WDFY3: variants seen among roughly 807,000 people sequenced by gnomAD.
The protein encoded by WDFY3 is WD repeat and FYVE domain containing 3.
WDFY3 carries 66 observed loss-of-function variants against 409.6 expected under a neutral mutation model. The observed-to-expected ratio is 0.16, with a 90% CI of 0.13 to 0.20. The LOEUF (loss-of-function observed/expected upper bound fraction) is 0.20. WDFY3 is among the 10% of genes least tolerant of loss of function. The pLI is 1.00. For missense variants in WDFY3, 3,031 were observed against 4,298.1 expected (o/e 0.71, Z 8.24); for synonymous variants, 1,521 against 1,537.1 (o/e 0.99, Z 0.25).
At chr4:84,830,832 C>A (rs1018616740) in intron 8 of WDFY3, among the ~76,000 whole-genome samples, 1 of 152,098 alleles carries the variant, frequency 6.6e-6, no homozygotes, top group African/African-American at 2.4e-5. Flanking sequence ...GGCTGTGACA[C>A]AGAACTTTCA....
rs564695889 is a variant in WDFY3 at position 84,947,283 on chromosome 4, C to T, written c.-225-14920G>A. Among the ~76,000 whole-genome samples the T allele has an allele frequency of 2.1e-4, 32 of 149,440 alleles. No homozygotes were observed. The East Asian group carries it at 6.2e-3, about 29-fold the overall frequency. On this transcript the variant is annotated intron_variant, in intron 1 of 67. Coordinates refer to ENST00000295888, the MANE Select transcript of WDFY3 (RefSeq NM_014991.6). ...ATCCTAGCACTTTGGGAAGCCGAGG[C>T]GGGCGGATCACGAGGTCAGGAGATG...
intron 61 of WDFY3, 37 bp from the exon 62 acceptor site, chr4:84,688,302 C>T: frequency 6.3e-7 from 1 of 1,595,036 alleles, no homozygotes; most frequent in South Asian, 1.1e-5. Context: ...TCAGGTTGAT[C>T]TCAGTGACAG....
intron 56 of WDFY3, among the ~76,000 whole-genome samples, chr4:84,698,515 C>A (rs1348299242): frequency 6.6e-6 from 1 of 152,038 alleles, no homozygotes; most frequent in Non-Finnish European, 1.5e-5. Flanking sequence ...TCAAGTGATG[C>A]TCCTACCTTG....
At chr4:84,863,073 T>C (rs1024717266) in intron 3 of WDFY3, among the ~76,000 whole-genome samples, 1 of 152,228 alleles carries the variant, frequency 6.6e-6, no homozygotes, top group Non-Finnish European at 1.5e-5. Context: ...TTCCACTCTG[T>C]GTGCTGCACA....
At chr4:84,874,195 C>T (rs1438958838) in intron 3 of WDFY3, among the ~76,000 whole-genome samples, 2 of 151,730 alleles carry the variant, frequency 1.3e-5, no homozygotes, top group Non-Finnish European at 2.9e-5. Flanking sequence ...GGGCGATCAC[C>T]TGAGGTCAGG....
intron 32 of WDFY3, among the ~76,000 whole-genome samples, chr4:84,762,011 G>A (rs1324761040): frequency 2.6e-5 from 4 of 152,202 alleles, no homozygotes; most frequent in Admixed American, 2.6e-4. Context: ...TTACACTGTT[G>A]GTGGGACTGT....
intron 67 of WDFY3, among the ~76,000 whole-genome samples, chr4:84,674,336 G>C (rs1272580843): frequency 6.6e-6 from 1 of 151,752 alleles, no homozygotes; most frequent in Admixed American, 6.6e-5. Context: ...TTAGGAGGCT[G>C]AGGCGGGGGT....
chr4:84,955,949 A>C (rs147386452), intron 1 of WDFY3, among the ~76,000 whole-genome samples: 11 of 152,292 alleles, frequency 7.2e-5, no homozygotes, highest in African/African-American at 2.4e-4. Flanking sequence ...ATAAAACTAC[A>C]AGTTAATGTG....
chr4:84,672,262 G>C lies in WDFY3; in HGVS notation c.*606C>G, dbSNP rs929095371. 5 of 151,890 alleles carry C rather than the reference G, an allele frequency of 3.3e-5. No homozygotes were observed. Among genetic ancestry groups the C allele is most frequent in the Non-Finnish European group, 7.4e-5 (5 of 67,962 alleles). 9.4% of individuals were successfully genotyped at this position (151,890 alleles called of 1,614,324 possible). A position where few individuals can be genotyped will look rare whatever the true frequency, so the allele number is the denominator to read the frequency against. The stretch of plus-strand genomic sequence containing the variant: ...GACATCAGGCACACAGGCTGAGCTT[G>C]AAAGGAAAAAAAGACCACAGATAAT... On this transcript the variant is annotated 3_prime_UTR_variant, in exon 68 of 68. Transcript: ENST00000295888.
intron 50 of WDFY3, 94 bp downstream of exon 50, chr4:84,715,204 G>T: frequency 1.5e-6 from 1 of 678,242 alleles, no homozygotes. Flanking sequence ...TTGGCTCATT[G>T]ATCTAGATTT....
intron 30 of WDFY3, among the ~76,000 whole-genome samples, chr4:84,771,770 T>G (rs956198442): frequency 6.6e-6 from 1 of 152,226 alleles, no homozygotes; most frequent in African/African-American, 2.4e-5. Context: ...TCAATAAGTG[T>G]TATTCATTGA....
intron 22 of WDFY3, among the ~76,000 whole-genome samples, chr4:84,788,357 T>C (rs184195638): frequency 3.3e-4 from 51 of 152,254 alleles, no homozygotes; most frequent in Non-Finnish European, 4.9e-4. Flanking sequence ...AAGACCAACA[T>C]AAGAGCTAGA....
rs780828712 is a variant in WDFY3 at position 84,683,986 on chromosome 4, G to A, written c.9683C>T (p.Thr3228Met). The A allele has an allele frequency of 3.1e-6, 5 of 1,612,606 alleles. No individual in the cohort carries two copies. The highest frequency in any genetic ancestry group is 2.2e-5 in the East Asian group (1 of 44,828). The change falls in exon 63 of 68, where the codon ACG becomes ATG. Residue 3228 changes from threonine (T) to methionine (M), a missense_variant. Transcript: ENST00000295888. ...GTGTCCTGTCACTATGACGTTCTGCGTGTCCCATTCGTTCATCTCCGACAT... is the reference window on the plus strand; with the variant it reads ...GTGTCCTGTCACTATGACGTTCTGCATGTCCCATTCGTTCATCTCCGACAT... ...CCMSEMNEWD[T>M]QNVIVTGHSD...
chr4:84,708,795 C>T, intron 53 of WDFY3, 114 bp downstream of exon 53: 1 of 1,174,760 alleles, frequency 8.5e-7, no homozygotes, highest in Non-Finnish European at 1.2e-6. Flanking sequence ...CCTCTCTTAG[C>T]CTCCCAAAGT....
At chr4:84,803,545 A>T in intron 15 of WDFY3, 78 bp from the exon 16 acceptor site, 5 of 1,457,742 alleles carry the variant, frequency 3.4e-6, no homozygotes, top group Non-Finnish European at 4.6e-6. Context: ...TCATCCACTG[A>T]TAACCAAAAA....
At position 84,679,256 on chromosome 4, in the gene WDFY3, T is replaced by C; in HGVS notation, c.9824-14A>G. 6.7e-7 allele frequency: 1 copy of C among 1,484,322 alleles called. No homozygotes were observed. Among genetic ancestry groups the C allele is most frequent in the South Asian group, 1.4e-5 (1 of 72,326 alleles). 91.9% of individuals were successfully genotyped at this position (1,484,322 alleles called of 1,614,324 possible). On this transcript the variant is annotated splice_polypyrimidine_tract_variant and intron_variant, in intron 64 of 67. Transcript: ENST00000295888. ...GGGCTTCCTGCCCTGGGTGAAGCAT[T>C]GAGAGAATTGGAACATACGGAACCA...
rs1459857874 is a variant in WDFY3, at chr4:84,724,524, T to C, written c.7343A>G (p.Asn2448Ser). The C allele has an allele frequency of 6.2e-7, 1 of 1,614,168 alleles. No homozygotes were observed. Among genetic ancestry groups the C allele is most frequent in the Admixed American group, 1.7e-5 (1 of 60,020 alleles). The change falls in exon 46 of 68, where the codon AAT becomes AGT. Residue 2448 changes from asparagine to serine, a missense_variant. Asn to Ser is a conservative substitution (Grantham distance 46). Around this residue, in one of 16 missense-constraint regions of WDFY3, gnomAD observed 127 missense variants for 144.4 expected, o/e 0.88. Coordinates refer to ENST00000295888, the MANE Select transcript of WDFY3 (RefSeq NM_014991.6). ...AATGGCGTCTTGGACAATGGCGGGA[T>C]TGCCAGAGGCCAGTCGCATGTAGTA... ...KEYYMRLASG[N>S]PAIVQDAIVE... is the part of the protein sequence containing the mutation.
chr4:84,687,891 C>T (rs977221640), intron 62 of WDFY3, 195 bp downstream of exon 62: 3 of 511,914 alleles, frequency 5.9e-6, no homozygotes, highest in Non-Finnish European at 1.0e-5. Flanking sequence ...GTCACCAAAT[C>T]GGTGCTGACC....
chr4:84,915,682 C>G (rs376467913), intron 2 of WDFY3, among the ~76,000 whole-genome samples: 1 of 152,140 alleles, frequency 6.6e-6, no homozygotes, highest in African/African-American at 2.4e-5. Flanking sequence ...CTAGAATTCT[C>G]TCTTTAAGCC....
Sources: allele counts gnomAD v4.1 joint callset (sites outside exome capture counted in the v4.1 genomes callset), GRCh38; gene constraint gnomAD v4.1.1; regional missense constraint gnomAD v4.1.1; transcripts MANE v1.5; gene names NCBI Gene and HGNC (gene_info 2026-07-23, HGNC 2026-07-21).